The following SLC4A4 variants were observed in gnomAD, a reference collection of about 807,000 sequenced individuals.
SLC4A4 encodes the protein solute carrier family 4 member 4.
A neutral mutation model predicts 111.5 loss-of-function variants in SLC4A4; 27 were observed. The observed-to-expected ratio is 0.24, with a 90% CI of 0.18 to 0.33. The LOEUF (loss-of-function observed/expected upper bound fraction) is 0.33. SLC4A4 is among the 10% of genes least tolerant of loss of function. The pLI, the probability that SLC4A4 is intolerant of heterozygous loss-of-function variation, is 1.00. For synonymous variants in SLC4A4, 443 were observed against 463.4 expected (o/e 0.96, Z 0.57); for missense variants, 909 against 1,315.5 (o/e 0.69, Z 4.78).
intron 1 of SLC4A4, among the ~76,000 whole-genome samples, chr4:71,089,095 C>T (rs528220507): frequency 6.6e-6 from 1 of 151,850 alleles, no homozygotes; most frequent in Admixed American, 6.6e-5. Context: ...TGGAGGCTTT[C>T]TTCATTTCCT....
chr4:71,486,010 A>G (rs879664000), intron 14 of SLC4A4, among the ~76,000 whole-genome samples: 5 of 151,514 alleles, frequency 3.3e-5, no homozygotes, highest in Non-Finnish European at 5.9e-5. Context: ...TGGCAAACTA[A>G]AAAGGCAAGC....
At chr4:71,498,921 C>G (rs1212485676) in intron 16 of SLC4A4, among the ~76,000 whole-genome samples, 1 of 152,142 alleles carries the variant, frequency 6.6e-6, no homozygotes, top group African/African-American at 2.4e-5. Flanking sequence ...TTACTGTTTT[C>G]CCAGCTCTGT....
chr4:71,441,638 T>A (rs1724725381), intron 8 of SLC4A4, among the ~76,000 whole-genome samples: 1 of 152,110 alleles, frequency 6.6e-6, no homozygotes, highest in Non-Finnish European at 1.5e-5. Context: ...CCTCCTCAGC[T>A]CAGACGGTCT....
intron 7 of SLC4A4, among the ~76,000 whole-genome samples, chr4:71,422,539 G>C (rs1722640442): frequency 6.6e-6 from 1 of 152,114 alleles, no homozygotes; most frequent in Non-Finnish European, 1.5e-5. Flanking sequence ...AACCAAAAAA[G>C]AGAATTTTAG....
At chr4:71,393,173 A>G (rs1052390453) in intron 6 of SLC4A4, among the ~76,000 whole-genome samples, 1 of 152,210 alleles carries the variant, frequency 6.6e-6, no homozygotes, top group Admixed American at 6.5e-5. Flanking sequence ...AGCCAGAGCA[A>G]TCAGACAAGA....
At chr4:71,166,867 C>G (rs2148980176) in intron 2 of SLC4A4, among the ~76,000 whole-genome samples, 1 of 152,236 alleles carries the variant, frequency 6.6e-6, no homozygotes, top group East Asian at 1.9e-4. Context: ...GCATGCTCCT[C>G]TAGAATGTAG....
At chr4:71,473,378 A>G (rs1728065874) in intron 14 of SLC4A4, 1 of 418,836 alleles carries the variant, frequency 2.4e-6, no homozygotes, top group Non-Finnish European at 4.3e-6. Flanking sequence ...AACCTTTAAT[A>G]CATGATTTTA....
At chr4:71,201,538 T>C (rs1253824526) in intron 1 of SLC4A4, among the ~76,000 whole-genome samples, 2 of 152,224 alleles carry the variant, frequency 1.3e-5, no homozygotes, top group African/African-American at 4.8e-5. Context: ...TGCTTCCAAG[T>C]TCTTTATCCC....
chr4:71,099,366 T>C (rs549809079), intron 2 of SLC4A4, among the ~76,000 whole-genome samples: 2 of 152,240 alleles, frequency 1.3e-5, no homozygotes, highest in African/African-American at 4.8e-5. Flanking sequence ...AATAACAAAA[T>C]TGAGGCAGAA....
At chr4:71,204,975 G>A (rs1232613508) in intron 1 of SLC4A4, among the ~76,000 whole-genome samples, 1 of 152,192 alleles carries the variant, frequency 6.6e-6, no homozygotes, top group Non-Finnish European at 1.5e-5. Context: ...TGGATTTAAC[G>A]CATACATCCT....
intron 13 of SLC4A4, 24 bp downstream of exon 13, chr4:71,466,601 CA>C: frequency 1.2e-6 from 2 of 1,608,298 alleles, no homozygotes; most frequent in South Asian, 2.2e-5. Context: ...TATTTAATTG[CA>C]AATTAGAATT....
chr4:71,088,499 T>C (rs1329420969), intron 1 of SLC4A4, among the ~76,000 whole-genome samples: 2 of 152,090 alleles, frequency 1.3e-5, no homozygotes, highest in Non-Finnish European at 2.9e-5. Context: ...CTTCCTAGCC[T>C]TAATGGTCTT....
intron 6 of SLC4A4, among the ~76,000 whole-genome samples, chr4:71,368,212 G>T (rs1731502667): frequency 6.6e-6 from 1 of 152,194 alleles, no homozygotes; most frequent in Admixed American, 6.5e-5. Flanking sequence ...GGAAGAAGTT[G>T]ATGGTGTTGT....
At chr4:71,302,887 T>C (rs998709527) in intron 3 of SLC4A4, among the ~76,000 whole-genome samples, 4 of 152,230 alleles carry the variant, frequency 2.6e-5, no homozygotes, top group African/African-American at 7.2e-5. Flanking sequence ...TACCCAAGTA[T>C]AGATTTTGGT....
chr4:71,427,281 G>A (rs1002445923), intron 7 of SLC4A4, among the ~76,000 whole-genome samples: 1 of 151,668 alleles, frequency 6.6e-6, no homozygotes, highest in Non-Finnish European at 1.5e-5. Context: ...TTGTAACATT[G>A]ACAGTTAAGG....
At chr4:71,145,695 A>G (rs1357152485) in intron 2 of SLC4A4, among the ~76,000 whole-genome samples, 2 of 152,006 alleles carry the variant, frequency 1.3e-5, no homozygotes, top group Non-Finnish European at 2.9e-5. Context: ...TGTTTTGAGG[A>G]ATTTATCCAT....
chr4:71,508,241 T>A (rs1206284741), intron 16 of SLC4A4, among the ~76,000 whole-genome samples: 4 of 151,814 alleles, frequency 2.6e-5, no homozygotes, highest in Admixed American at 1.3e-4. Flanking sequence ...AGATCAGAGC[T>A]GAACTGAATG....
intron 1 of SLC4A4, among the ~76,000 whole-genome samples, chr4:71,069,946 T>A (rs1160434976): frequency 1.3e-5 from 2 of 152,184 alleles, no homozygotes; most frequent in Non-Finnish European, 2.9e-5. Flanking sequence ...GCTGTAAGAA[T>A]AGAAATGGGA....
rs929626915 is a variant in SLC4A4 at position 71,145,745 on chromosome 4, A to G, written c.-2+52953A>G. Among the ~76,000 whole-genome samples the G allele has an allele frequency of 2.6e-5, 4 of 152,170 alleles. No homozygotes were observed. In the South Asian group the frequency reaches 6.2e-4, roughly 24 times the overall value. On this transcript the variant is annotated intron_variant, in intron 2 of 26. Transcript: ENST00000649996. ...CTAGTTTATTTGCGTAGAGGTGTTT[A>G]TAGTATTCTCTGATGGTAGTTTGTA... is the stretch of plus-strand genomic sequence containing the variant.
Sources: gnomAD v4.1 joint callset for allele counts (sites outside exome capture counted in the v4.1 genomes callset) on GRCh38, gnomAD v4.1.1 for gene constraint, MANE v1.5 for transcripts, NCBI Gene and HGNC (gene_info 2026-07-23, HGNC 2026-07-21) for gene names.